Variants in DRG2 observed in about 807,000 individuals in gnomAD.
DRG2 encodes the protein developmentally-regulated GTP-binding protein 2.
Under a neutral mutation model 53.4 loss-of-function variants are expected in DRG2, and 36 were observed. The observed-to-expected ratio is 0.67, with a 90% CI of 0.52 to 0.89. The LOEUF is 0.89. Among genes scored for constraint, DRG2 ranks in the 40% least tolerant of loss-of-function variants. The probability of loss-of-function intolerance (pLI) is 0.00; values close to 1 mark genes in which losing one functional copy is unlikely to be tolerated. For synonymous variants in DRG2, 167 were observed against 192.1 expected, an observed-to-expected ratio of 0.87 and a Z score of 1.08; for missense variants, 342 against 481.2, an observed-to-expected ratio of 0.71 and a Z score of 2.71.
Position 18,093,947 on chromosome 17 carries a change from C to T in DRG2, c.199C>T (p.Leu67=), listed in dbSNP as rs917364106. The change falls in exon 2 of 13, where the codon CTG becomes TTG. Residue 67 remains leucine (L), a synonymous_variant. Coordinates refer to ENST00000225729, the MANE Select transcript of DRG2 (RefSeq NM_001388.5). ...GAAGTCGGGTGATGCCCGTGTGGCG[C>T]TGATTGGATTTCCCTCTGTGGGTAA... is the stretch of plus-strand genomic sequence containing the variant. ...VMKSGDARVA[L]IGFPSVGKST... 1.2e-6 allele frequency: 2 copies of T among 1,614,168 alleles called. No individual in the cohort carries two copies. Among genetic ancestry groups the T allele is most frequent in the Non-Finnish European group, 1.7e-6 (2 of 1,180,022 alleles).
chr17:18,088,181 A>G, intron 1 of DRG2, 94 bp downstream of exon 1: 2 of 1,420,810 alleles, frequency 1.4e-6, no homozygotes, highest in Non-Finnish European at 1.9e-6. Flanking sequence ...TGCTGGGGCA[A>G]GATCCGAGGC....
chr17:18,090,381 TATATATATATATATATATATA>T (rs1567597909), intron 1 of DRG2, among the ~76,000 whole-genome samples: 1,515 of 17,534 alleles, frequency 0.086, 128 homozygotes, highest in South Asian at 0.22. Context: ...TATATATATA[TATATATATATATATATATATA>T]TATATTTTTT....
chr17:18,089,019 T>C (rs950033281), intron 1 of DRG2, among the ~76,000 whole-genome samples: 1 of 152,176 alleles, frequency 6.6e-6, no homozygotes, highest in Non-Finnish European at 1.5e-5. Flanking sequence ...CATTCAGGCT[T>C]GTGGGAGCAG....
rs779621152 is a variant in DRG2 at position 18,100,341 on chromosome 17, G to C, written c.468-22G>C. 1 of 1,613,676 alleles carries C rather than the reference G, an allele frequency of 6.2e-7. No homozygotes were observed. Among genetic ancestry groups the C allele is most frequent in the African/African-American group, 1.3e-5 (1 of 74,922 alleles). On this transcript the variant is annotated intron_variant, in intron 5 of 12. Transcript: ENST00000225729. The surrounding 1 kb of genome is among the most constrained non-coding windows in gnomAD (Gnocchi z 4.1). ...TGGCTCTGTGGACAGCCTGTGAGGGGCTTAAGGGGTACTCTTCCTAGGTCT... is the reference window on the plus strand; with the variant it reads ...TGGCTCTGTGGACAGCCTGTGAGGGCCTTAAGGGGTACTCTTCCTAGGTCT...
chr17:18,098,693 T>C lies in DRG2; in HGVS notation c.316-324T>C, dbSNP rs777360056. On this transcript the variant is annotated intron_variant, in intron 3 of 12. Coordinates refer to ENST00000225729, the MANE Select transcript of DRG2 (RefSeq NM_001388.5). The surrounding 1 kb of genome is among the most constrained non-coding windows in gnomAD (Gnocchi z 4.1). ...GCCTCCCCATGAAGCTTCACTGCCT[T>C]GGGCTGTGTTTGCTTTGGGCAGCTG... is the stretch of plus-strand genomic sequence containing the variant. Among the ~76,000 whole-genome samples, 18 of 152,236 alleles carry C rather than the reference T, an allele frequency of 1.2e-4. No homozygotes were observed. Among genetic ancestry groups the C allele is most frequent in the Non-Finnish European group, 2.1e-4 (14 of 68,042 alleles).
chr17:18,095,978 C>T (rs763355975), intron 2 of DRG2: 2 of 152,182 alleles, frequency 1.3e-5, no homozygotes, highest in Non-Finnish European at 2.9e-5. Flanking sequence ...ATTTGATAAC[C>T]TTGACGGTTT....
intron 1 of DRG2, among the ~76,000 whole-genome samples, chr17:18,089,067 C>G (rs1371778184): frequency 2.6e-5 from 4 of 152,176 alleles, no homozygotes; most frequent in Non-Finnish European, 5.9e-5. Context: ...CCAGTGTCTG[C>G]CCTCCCTTGG....
chr17:18,095,162 C>G (rs752744691), intron 2 of DRG2, among the ~76,000 whole-genome samples: 80 of 151,176 alleles, frequency 5.3e-4, no homozygotes, highest in Non-Finnish European at 7.8e-4. Context: ...CAGGCATCCG[C>G]CACCACCCCT....
intron 1 of DRG2, among the ~76,000 whole-genome samples, chr17:18,090,377 T>C (rs1597713730): frequency 9.9e-5 from 1 of 10,120 alleles, no homozygotes; most frequent in Admixed American, 1.2e-3. Flanking sequence ...TTTATATATA[T>C]ATATATATAT....
chr17:18,091,210 C>G (rs1597715248), intron 1 of DRG2, among the ~76,000 whole-genome samples: 1 of 152,192 alleles, frequency 6.6e-6, no homozygotes. Flanking sequence ...TTATAGCCAA[C>G]TTTTATTGGG....
chr17:18,095,213 C>A (rs559163590), intron 2 of DRG2, among the ~76,000 whole-genome samples: 1 of 151,342 alleles, frequency 6.6e-6, no homozygotes, highest in East Asian at 2.0e-4. Flanking sequence ...GGTTTCACCA[C>A]GTTCGCCAGG....
intron 2 of DRG2, chr17:18,096,160 G>A (rs2045430365): frequency 6.6e-6 from 1 of 152,206 alleles, no homozygotes; most frequent in Admixed American, 6.5e-5. Flanking sequence ...TACCCCTGCT[G>A]ATGTTGATCT....
intron 9 of DRG2, 105 bp downstream of exon 9, chr17:18,102,102 C>T: frequency 2.6e-6 from 3 of 1,151,182 alleles, no homozygotes; most frequent in Non-Finnish European, 3.8e-6. Flanking sequence ...AAAGCCAGCA[C>T]AGCCTCCAGC....
intron 2 of DRG2, chr17:18,096,436 C>T (rs1002005408): frequency 6.6e-6 from 1 of 152,146 alleles, no homozygotes; most frequent in Non-Finnish European, 1.5e-5. Flanking sequence ...AAACCCATAC[C>T]ATGTTCTTTT....
chr17:18,099,927 G>C lies in DRG2; in HGVS notation c.467+204G>C. ...GTCCAGCCAGCACAGAGGTATCTTG[G>C]GACTGGGGGCCGAGGGGCTTGGCCT... is the stretch of plus-strand genomic sequence containing the variant. On this transcript the variant is annotated intron_variant, in intron 5 of 12. Coordinates refer to ENST00000225729, the MANE Select transcript of DRG2 (RefSeq NM_001388.5). This position sits in a 1 kb window ranked among gnomAD's most constrained non-coding sequence, Gnocchi z 4.4. 2 of 623,000 alleles carry C rather than the reference G, an allele frequency of 3.2e-6. No homozygotes were observed. Among genetic ancestry groups the C allele is most frequent in the South Asian group, 3.9e-5 (2 of 50,918 alleles). 38.6% of individuals were successfully genotyped at this position (623,000 alleles called of 1,614,324 possible). A position where few individuals can be genotyped will look rare whatever the true frequency, so the allele number is the denominator to read the frequency against.
chr17:18,099,186 C>A lies in DRG2; in HGVS notation c.376+109C>A. 2 of 1,429,548 alleles carry A rather than the reference C, an allele frequency of 1.4e-6. No homozygotes were observed. The highest frequency in any genetic ancestry group is 1.2e-5 in the South Asian group (1 of 83,232). 88.6% of individuals were successfully genotyped at this position (1,429,548 alleles called of 1,614,324 possible). ...ACTCTGGATCCCTGGTCCATTATCC[C>A]GCTTTCCAGAAAAGACAGGTTCCAG... On this transcript the variant is annotated intron_variant, in intron 4 of 12. Coordinates refer to ENST00000225729, the MANE Select transcript of DRG2 (RefSeq NM_001388.5). The surrounding 1 kb of genome is among the most constrained non-coding windows in gnomAD (Gnocchi z 4.4).
At chr17:18,102,613 T>TC (rs2045559070) in intron 9 of DRG2, among the ~76,000 whole-genome samples, 1 of 75,826 alleles carries the variant, frequency 1.3e-5, no homozygotes, top group African/African-American at 5.9e-5. Flanking sequence ...AGAGCAAGAC[T>TC]CCATCTCAAA....
Position 18,100,337 on chromosome 17 carries a change from AGGGGCTTAAGGGGTAC to A in DRG2, c.468-25_468-10del, listed in dbSNP as rs767734221. 1 of 1,613,252 alleles carries A rather than the reference AGGGGCTTAAGGGGTAC, an allele frequency of 6.2e-7. No homozygotes were observed. The highest frequency in any genetic ancestry group is 1.7e-5 in the Admixed American group (1 of 60,010). On this transcript the variant is annotated splice_polypyrimidine_tract_variant and intron_variant, in intron 5 of 12. Transcript: ENST00000225729. This position sits in a 1 kb window ranked among gnomAD's most constrained non-coding sequence, Gnocchi z 4.1. ...CATCTGGCTCTGTGGACAGCCTGTG[AGGGGCTTAAGGGGTAC>A]TCTTCCTAGGTCTCTGCTGGAGAAG... is the stretch of plus-strand genomic sequence containing the variant.
chr17:18,088,005 G>C lies in DRG2; in HGVS notation c.-19G>C, dbSNP rs956856245. On this transcript the variant is annotated 5_prime_UTR_variant, in exon 1 of 13. Transcript: ENST00000225729. ...GTGCCGCCGCCACCGCTGTCTGTGCGCCCACCTCTGCTGCTACCATGGGGA... is the reference window on the plus strand; with the variant it reads ...GTGCCGCCGCCACCGCTGTCTGTGCCCCCACCTCTGCTGCTACCATGGGGA... 8 of 1,546,452 alleles carry C rather than the reference G, an allele frequency of 5.2e-6. No individual in the cohort carries two copies. The highest frequency in any genetic ancestry group is 7.0e-6 in the Non-Finnish European group (8 of 1,145,396).
Sources: allele counts gnomAD v4.1 joint callset (sites outside exome capture counted in the v4.1 genomes callset), GRCh38; gene constraint gnomAD v4.1.1; non-coding constraint Gnocchi (gnomAD v3.1); transcripts MANE v1.5; gene names NCBI Gene and HGNC (gene_info 2026-07-23, HGNC 2026-07-21).